RNLS: variants seen among roughly 807,000 people sequenced by gnomAD.
RNLS encodes the protein renalase.
RNLS carries 39 observed loss-of-function variants against 39.8 expected under a neutral mutation model. The observed-to-expected ratio is 0.98, with a 90% CI of 0.76 to 1.28. The LOEUF is 1.28. Among genes scored for constraint, RNLS ranks in the 50% most tolerant of loss-of-function variants. RNLS has a pLI of 0.00. For missense variants in RNLS, 410 were observed against 413.3 expected (o/e 0.99, Z 0.07); for synonymous variants, 147 against 150.7 (o/e 0.98, Z 0.18).
the RNLS span, among the ~76,000 whole-genome samples, chr10:88,237,373 T>C: frequency 6.6e-6 from 1 of 151,826 alleles, no homozygotes; most frequent in African/African-American, 2.4e-5. Context: ...AAAAGCCTGA[T>C]TCATTCATCT....
At chr10:88,455,698 G>T (rs959451018) in intron 4 of RNLS, among the ~76,000 whole-genome samples, 2 of 151,996 alleles carry the variant, frequency 1.3e-5, no homozygotes, top group Non-Finnish European at 2.9e-5. Context: ...GAGCCACCAC[G>T]CCTGGCCTGT....
At chr10:88,419,998 G>A (rs902916273) in intron 4 of RNLS, among the ~76,000 whole-genome samples, 3 of 149,820 alleles carry the variant, frequency 2.0e-5, no homozygotes, top group African/African-American at 7.4e-5. Flanking sequence ...CAACAAGTGT[G>A]AAACTCCATC....
the RNLS span, among the ~76,000 whole-genome samples, chr10:88,181,665 A>G: frequency 1.3e-5 from 2 of 152,294 alleles, no homozygotes; most frequent in South Asian, 4.1e-4. Flanking sequence ...TCAGTGGTCT[A>G]TGAAATTTTC....
intron 4 of RNLS, among the ~76,000 whole-genome samples, chr10:88,415,639 A>G (rs1347370192): frequency 6.6e-6 from 1 of 152,208 alleles, no homozygotes; most frequent in Non-Finnish European, 1.5e-5. Flanking sequence ...TGCCATTTGT[A>G]AAATGGTGCT....
chr10:88,582,264 G>C lies in RNLS; in HGVS notation c.162C>G (p.Cys54Trp). ...TGTACTGAGCACCCAAGTCAGCTGT[G>C]CACTGAGGATTATGAGGACTGCAGG... ...TTACSPHNPQ[C>W]TADLGAQYIT... Residue 54 changes from cysteine to tryptophan, a missense_variant, in exon 2 of 7, where the codon TGC becomes TGG. By Grantham distance (215) the Cys-to-Trp change is radical. Coordinates refer to ENST00000331772, the MANE Select transcript of RNLS (RefSeq NM_001031709.3). 2 of 1,614,080 alleles carry C rather than the reference G, an allele frequency of 1.2e-6. No homozygotes were observed. The highest frequency in any genetic ancestry group is 1.7e-6 in the Non-Finnish European group (2 of 1,179,992).
chr10:88,536,244 T>A (rs755076150), intron 4 of RNLS, among the ~76,000 whole-genome samples: 14 of 152,336 alleles, frequency 9.2e-5, no homozygotes, highest in Non-Finnish European at 1.8e-4. Flanking sequence ...TTTATGCTCC[T>A]TGTTCTCACA....
intron 4 of RNLS, among the ~76,000 whole-genome samples, chr10:88,528,140 T>G (rs1847216889): frequency 6.6e-6 from 1 of 151,674 alleles, no homozygotes; most frequent in African/African-American, 2.4e-5. Context: ...GCTACAAAAT[T>G]TCAGAAGATA....
At chr10:88,360,218 T>C (rs914058280) in intron 5 of RNLS, among the ~76,000 whole-genome samples, 1 of 149,714 alleles carries the variant, frequency 6.7e-6, no homozygotes, top group African/African-American at 2.4e-5. Flanking sequence ...CAAAACTCTA[T>C]TTTATTCAGG....
chr10:88,205,984 T>G, the RNLS span, among the ~76,000 whole-genome samples: 1 of 152,200 alleles, frequency 6.6e-6, no homozygotes, highest in African/African-American at 2.4e-5. Flanking sequence ...AGTTTATGCC[T>G]ATTGATCAAA....
chr10:88,231,349 A>G, the RNLS span, among the ~76,000 whole-genome samples: 1 of 152,358 alleles, frequency 6.6e-6, no homozygotes, highest in Non-Finnish European at 1.5e-5. Context: ...CTGCAAGCCC[A>G]GGAGAGAGGC....
the RNLS span, among the ~76,000 whole-genome samples, chr10:88,258,900 T>C: frequency 6.6e-6 from 1 of 152,188 alleles, no homozygotes; most frequent in Non-Finnish European, 1.5e-5. Flanking sequence ...ATTGTGAAAA[T>C]GTGGGGCAAC....
At chr10:88,315,715 C>T (rs1350294969) in intron 5 of RNLS, among the ~76,000 whole-genome samples, 3 of 148,930 alleles carry the variant, frequency 2.0e-5, no homozygotes, top group Non-Finnish European at 4.4e-5. Flanking sequence ...ACTATGTGCC[C>T]GCTTAACCTC....
At chr10:88,251,297 C>T in the RNLS span, among the ~76,000 whole-genome samples, 1 of 152,166 alleles carries the variant, frequency 6.6e-6, no homozygotes, top group Non-Finnish European at 1.5e-5. Flanking sequence ...ATGCCTGGCA[C>T]CAGGAAGGTG....
At chr10:88,481,699 C>G (rs1036109186) in intron 4 of RNLS, among the ~76,000 whole-genome samples, 1 of 151,984 alleles carries the variant, frequency 6.6e-6, no homozygotes, top group Admixed American at 6.6e-5. Context: ...TTATGAAATC[C>G]TATGTATTTT....
intron 4 of RNLS, among the ~76,000 whole-genome samples, chr10:88,499,805 C>T (rs1048178552): frequency 6.6e-6 from 1 of 152,164 alleles, no homozygotes; most frequent in Non-Finnish European, 1.5e-5. Context: ...TGTGCCCCAG[C>T]AGTGGGCCCC....
chr10:88,504,844 A>AGAGTGT (rs1554911577), intron 4 of RNLS, among the ~76,000 whole-genome samples: 1 of 136,166 alleles, frequency 7.3e-6, no homozygotes, highest in African/African-American at 2.7e-5. Context: ...AGAGAGACAG[A>AGAGTGT]GTGTGTGTGT....
At chr10:88,413,489 G>A (rs1033895305) in intron 4 of RNLS, among the ~76,000 whole-genome samples, 10 of 152,052 alleles carry the variant, frequency 6.6e-5, no homozygotes, top group Non-Finnish European at 1.5e-4. Flanking sequence ...TCACCTACTT[G>A]GTATTATACC....
At chr10:88,501,265 C>T (rs541535079) in intron 4 of RNLS, among the ~76,000 whole-genome samples, 38 of 152,132 alleles carry the variant, frequency 2.5e-4, no homozygotes, top group African/African-American at 9.2e-4. Flanking sequence ...AAGTCATTAC[C>T]TTTAATAATT....
At chr10:88,382,069 T>C (rs1851549731) in intron 4 of RNLS, among the ~76,000 whole-genome samples, 1 of 152,144 alleles carries the variant, frequency 6.6e-6, no homozygotes, top group South Asian at 2.1e-4. Context: ...TGACTGTATA[T>C]GTTGCTTTTA....
Sources: gnomAD v4.1 joint callset for allele counts (sites outside exome capture counted in the v4.1 genomes callset) on GRCh38, gnomAD v4.1.1 for gene constraint, MANE v1.5 for transcripts, NCBI Gene and HGNC (gene_info 2026-07-23, HGNC 2026-07-21) for gene names.